The following PAPPA variants were observed in gnomAD, a reference collection of about 807,000 sequenced individuals.
PAPPA encodes the protein pappalysin-1.
PAPPA carries 60 observed loss-of-function variants against 164.0 expected under a neutral mutation model. The observed-to-expected ratio is 0.37, with a 90% CI of 0.30 to 0.45. The LOEUF is 0.45. PAPPA is among the 20% of genes least tolerant of loss of function. The probability of loss-of-function intolerance (pLI) is 1.00; values close to 1 mark genes in which losing one functional copy is unlikely to be tolerated. For missense variants in PAPPA, 1,782 were observed against 2,087.3 expected (o/e 0.85, Z 2.85); for synonymous variants, 875 against 814.1 (o/e 1.07, Z -1.27).
intron 7 of PAPPA, among the ~76,000 whole-genome samples, chr9:116,253,255 G>C (rs950389458): frequency 1.3e-5 from 2 of 151,994 alleles, no homozygotes; most frequent in African/African-American, 4.8e-5. Flanking sequence ...TCTACTTTGT[G>C]TTACAATCAC....
At chr9:116,384,266 G>A (rs550290128) in intron 21 of PAPPA, among the ~76,000 whole-genome samples, 2 of 52,734 alleles carry the variant, frequency 3.8e-5, no homozygotes, top group East Asian at 9.3e-4. Flanking sequence ...GTCTCTACAC[G>A]TAATTAATAA....
chr9:116,154,251 C>A lies in PAPPA; in HGVS notation c.79C>A (p.Arg27=). The change falls in exon 1 of 22, where the codon CGG becomes AGG. Residue 27 remains arginine, a synonymous_variant. Coordinates refer to ENST00000328252, the MANE Select transcript of PAPPA (RefSeq NM_002581.5). The surrounding 1 kb of genome is among the most constrained non-coding windows in gnomAD (Gnocchi z 5.2). ...LGCGLAERPR[R]ARRDPRAGRP... The stretch of plus-strand genomic sequence containing the variant: ...CTGCGGGCTGGCCGAGCGTCCCCGC[C>A]GGGCCCGGAGAGACCCGCGGGCCGG... The A allele has an allele frequency of 7.3e-7, 1 of 1,372,572 alleles. No homozygotes were observed. Among genetic ancestry groups the A allele is most frequent in the South Asian group, 1.3e-5 (1 of 74,722 alleles). 85.0% of individuals were successfully genotyped at this position (1,372,572 alleles called of 1,614,324 possible). A position where few individuals can be genotyped will look rare whatever the true frequency, so the allele number is the denominator to read the frequency against.
intron 1 of PAPPA, among the ~76,000 whole-genome samples, chr9:116,169,619 C>G (rs1218675749): frequency 1.3e-5 from 2 of 151,908 alleles, no homozygotes; most frequent in Non-Finnish European, 2.9e-5. Flanking sequence ...CGCACCTAAC[C>G]TCTCCAAACT....
At position 116,402,096 on chromosome 9, in the gene PAPPA, CTAATT is replaced by C. The variant is rs1190621125; in HGVS notation, c.*5483_*5487del. On this transcript the variant is annotated 3_prime_UTR_variant, in exon 22 of 22. Coordinates refer to ENST00000328252, the MANE Select transcript of PAPPA (RefSeq NM_002581.5). ...AATTTATATTTACACAATTGTTCAT[CTAATT>C]TATTTTTTCTATACAGTTTTAAATA... is the stretch of plus-strand genomic sequence containing the variant. The C allele has an allele frequency of 2.0e-5, 3 of 152,170 alleles. No individual in the cohort carries two copies. Among genetic ancestry groups the C allele is most frequent in the African/African-American group, 4.8e-5 (2 of 41,306 alleles). 9.4% of individuals were successfully genotyped at this position (152,170 alleles called of 1,614,324 possible).
intron 1 of PAPPA, among the ~76,000 whole-genome samples, chr9:116,183,783 A>C (rs2118619285): frequency 6.6e-6 from 1 of 152,172 alleles, no homozygotes; most frequent in South Asian, 2.1e-4. Flanking sequence ...CCCATGGCTA[A>C]GCCACCCCTT....
intron 3 of PAPPA, 52 bp downstream of exon 3, chr9:116,207,653 C>T (rs781739183): frequency 6.6e-6 from 9 of 1,362,416 alleles, no homozygotes; most frequent in Non-Finnish European, 6.1e-6. Context: ...CAGTAATACA[C>T]TTAGTGCGAT....
intron 6 of PAPPA, among the ~76,000 whole-genome samples, chr9:116,228,181 T>C (rs1404957581): frequency 1.3e-5 from 2 of 152,204 alleles, no homozygotes; most frequent in African/African-American, 4.8e-5. Flanking sequence ...TCTTACATCA[T>C]CATTGAAATT....
At chr9:116,392,570 A>G (rs1033662799) in intron 21 of PAPPA, among the ~76,000 whole-genome samples, 1 of 152,212 alleles carries the variant, frequency 6.6e-6, no homozygotes, top group Non-Finnish European at 1.5e-5. Flanking sequence ...GGTGTCCCCA[A>G]GTCCTTTCCA....
At chr9:116,322,433 A>C in intron 10 of PAPPA, among the ~76,000 whole-genome samples, 1 of 150,340 alleles carries the variant, frequency 6.7e-6, no homozygotes. Context: ...AAAAAAAAAA[A>C]GAGCTGGTGC....
In PAPPA at chr9:116,398,640, G is replaced by T. The variant is rs1330100256; in HGVS notation, c.*2024G>T. 3.9e-6 allele frequency: 3 copies of T among 762,592 alleles called. No individual in the cohort carries two copies. The highest frequency in any genetic ancestry group is 5.9e-6 in the Non-Finnish European group (3 of 507,124). 47.2% of individuals were successfully genotyped at this position (762,592 alleles called of 1,614,324 possible). A position where few individuals can be genotyped will look rare whatever the true frequency, so the allele number is the denominator to read the frequency against. On this transcript the variant is annotated 3_prime_UTR_variant, in exon 22 of 22. Coordinates refer to ENST00000328252, the MANE Select transcript of PAPPA (RefSeq NM_002581.5). ...ACATATCAAGGTGCTTTTGGCACAG[G>T]TGCCCACAAATACGGATGCAGTGCT...
At chr9:116,321,666 G>A (rs1302047296) in intron 10 of PAPPA, among the ~76,000 whole-genome samples, 1 of 152,104 alleles carries the variant, frequency 6.6e-6, no homozygotes. Context: ...TCTAAACATT[G>A]GTCTAGGCCC....
At chr9:116,223,210 G>A (rs1387222136) in intron 5 of PAPPA, among the ~76,000 whole-genome samples, 1 of 152,150 alleles carries the variant, frequency 6.6e-6, no homozygotes, top group Non-Finnish European at 1.5e-5. Context: ...GGGAAACCTC[G>A]TGTGACACTT....
intron 13 of PAPPA, among the ~76,000 whole-genome samples, chr9:116,340,300 G>C: frequency 6.6e-6 from 1 of 152,198 alleles, no homozygotes; most frequent in Non-Finnish European, 1.5e-5. Context: ...GAGACGGTCA[G>C]TTAGGGTAAT....
In PAPPA at chr9:116,242,623, G is replaced by A. The variant is rs1040864538; in HGVS notation, c.2732+6986G>A. ...CATTTTTCTGCTGCAAGCAAATGTT[G>A]CAGTGAGCATTCTCGTACAAACATC... On this transcript the variant is annotated intron_variant, in intron 7 of 21. Coordinates refer to ENST00000328252, the MANE Select transcript of PAPPA (RefSeq NM_002581.5). 2.6e-5 allele frequency among the ~76,000 whole-genome samples: 4 copies of A among 152,334 alleles called. No homozygotes were observed. In the South Asian group the frequency reaches 8.3e-4, roughly 32 times the overall value.
rs1845988456 is a variant in PAPPA at position 116,331,340 on chromosome 9, A to G, written c.3244A>G (p.Thr1082Ala). 6 of 1,612,246 alleles carry G rather than the reference A, an allele frequency of 3.7e-6. No homozygotes were observed. Among genetic ancestry groups the G allele is most frequent in the African/African-American group, 1.3e-5 (1 of 74,874 alleles). ...CTACCCATATTCCCAGCTGGCTCAG[A>G]CCACTTTTTGGCTCCGGGTAAGCTG... ...ISYPYSQLAQ[T>A]TFWLRAYFSQ... The change falls in exon 11 of 22, where the codon ACC becomes GCC. Residue 1082 changes from threonine to alanine, a missense_variant. Coordinates refer to ENST00000328252, the MANE Select transcript of PAPPA (RefSeq NM_002581.5).
chr9:116,220,203 A>C (rs1022449374), intron 5 of PAPPA, 74 bp downstream of exon 5: 1 of 1,145,566 alleles, frequency 8.7e-7, no homozygotes, highest in South Asian at 1.5e-5. Context: ...GAAGGGAAGC[A>C]GACTTGGAGA....
chr9:116,319,067 A>T (rs967020070), intron 10 of PAPPA, among the ~76,000 whole-genome samples: 3 of 152,150 alleles, frequency 2.0e-5, no homozygotes, highest in Admixed American at 6.5e-5. Context: ...ATTTTGGAGG[A>T]CTAGGTGGCT....
At chr9:116,367,614 T>G in intron 18 of PAPPA, 31 bp from the exon 19 acceptor site, 282 of 1,538,500 alleles carry the variant, frequency 1.8e-4, no homozygotes, top group Non-Finnish European at 2.3e-4. Context: ...GTCTCGGGCC[T>G]GAGCTGCGCC....
chr9:116,385,498 G>A (rs1354532774), intron 21 of PAPPA, among the ~76,000 whole-genome samples: 1 of 152,124 alleles, frequency 6.6e-6, no homozygotes, highest in East Asian at 1.9e-4. Context: ...TGAACACCAA[G>A]CCACCATTTT....
Sources: gnomAD v4.1 joint callset for allele counts (sites outside exome capture counted in the v4.1 genomes callset) on GRCh38, gnomAD v4.1.1 for gene constraint, Gnocchi (gnomAD v3.1) non-coding constraint, MANE v1.5 for transcripts, NCBI Gene and HGNC (gene_info 2026-07-23, HGNC 2026-07-21) for gene names.